The following PTK2 variants were observed in gnomAD, a reference collection of about 807,000 sequenced individuals.
PTK2 encodes the protein protein tyrosine kinase 2, also known as focal adhesion kinase 1.
A neutral mutation model predicts 150.1 loss-of-function variants in PTK2; 45 were observed. That is an observed-to-expected ratio of 0.30 (90% confidence interval 0.24 to 0.38). The LOEUF (loss-of-function observed/expected upper bound fraction) is 0.38. Ranked by LOEUF, PTK2 falls within the 10% of genes least tolerant of loss-of-function variation. The probability of loss-of-function intolerance (pLI) is 1.00; values close to 1 mark genes in which losing one functional copy is unlikely to be tolerated. For synonymous variants in PTK2, 432 were observed against 449.2 expected (o/e 0.96, Z 0.48); for missense variants, 919 against 1,307.3 (o/e 0.70, Z 4.58).
intron 1 of PTK2, among the ~76,000 whole-genome samples, chr8:140,994,355 C>T (rs2100196835): frequency 6.6e-6 from 1 of 152,206 alleles, no homozygotes; most frequent in African/African-American, 2.4e-5. Flanking sequence ...TTTTTAAAAA[C>T]TTAAGATTTG....
chr8:140,972,590 T>C lies in PTK2; in HGVS notation c.-122+28535A>G, dbSNP rs2100187710. Reference sequence around the variant, plus strand: ...TCAATTACTGTTTTTATATTTTGAATTCAGTCGATGAAAATTTGTGGAAAT... The same window carrying C: ...TCAATTACTGTTTTTATATTTTGAACTCAGTCGATGAAAATTTGTGGAAAT... On this transcript the variant is annotated intron_variant, in intron 1 of 31. Coordinates refer to ENST00000522684, the Ensembl canonical transcript of PTK2. Among the ~76,000 whole-genome samples, 5 of 152,192 alleles carry C rather than the reference T, an allele frequency of 3.3e-5. No homozygotes were observed. The South Asian group carries it at 1.0e-3, about 31-fold the overall frequency.
chr8:140,844,465 G>A (rs1166301421), intron 7 of PTK2, among the ~76,000 whole-genome samples: 1 of 152,044 alleles, frequency 6.6e-6, no homozygotes, highest in Non-Finnish European at 1.5e-5. Context: ...TATTACTATG[G>A]ACTCATGGGT....
In PTK2 at chr8:140,727,431, C is replaced by T. The variant is rs555167835; in HGVS notation, c.2030+7820G>A. 1.4e-4 allele frequency among the ~76,000 whole-genome samples: 21 copies of T among 150,130 alleles called. No homozygotes were observed. In the South Asian group the frequency reaches 3.2e-3, roughly 23 times the overall value. On this transcript the variant is annotated intron_variant, in intron 22 of 31. Transcript: ENST00000522684. ...CTGTGAACATTTTAACTGTACGTAG[C>T]TATAATTGTGAAACAGCTTAGTCTT...
intron 14 of PTK2, among the ~76,000 whole-genome samples, chr8:140,788,185 C>G (rs1347723031): frequency 6.6e-6 from 1 of 152,142 alleles, no homozygotes; most frequent in African/African-American, 2.4e-5. Context: ...CTGGCAACCC[C>G]GAAGCTTCCA....
chr8:140,725,131 C>T (rs114325324), intron 22 of PTK2, among the ~76,000 whole-genome samples: 2,805 of 150,970 alleles, frequency 0.019, 38 homozygotes, highest in Non-Finnish European at 0.023. Flanking sequence ...AAGACTGTAC[C>T]TTTATTTTTT....
rs551107207 is a variant in PTK2 at position 140,669,612 on chromosome 8, G to A, written c.2710-1188C>T. On this transcript the variant is annotated intron_variant, in intron 29 of 31. Transcript: ENST00000522684. ...TCTGTCAGTCATGAGAGGTGACAAA[G>A]CAGGCCGAAGTGCCCTCCCACTTGG... The A allele has an allele frequency of 2.2e-5, 26 of 1,200,816 alleles. No individual in the cohort carries two copies. The African/African-American group carries it at 3.6e-4, about 17-fold the overall frequency. The allele number at this position is 1,200,816 out of a possible 1,614,324, so 74.4% of individuals were successfully genotyped here.
chr8:140,833,510 A>G (rs536619406), intron 7 of PTK2, among the ~76,000 whole-genome samples: 1 of 152,326 alleles, frequency 6.6e-6, no homozygotes, highest in South Asian at 2.1e-4. Flanking sequence ...GAAACCAAAC[A>G]GGGACTTGTA....
intron 2 of PTK2, among the ~76,000 whole-genome samples, chr8:140,906,635 T>C (rs2100160981): frequency 6.6e-6 from 1 of 151,540 alleles, no homozygotes; most frequent in African/African-American, 2.4e-5. Flanking sequence ...AAGTATAGAG[T>C]AGAGTGGTGG....
chr8:140,980,489 G>A (rs2100191015), intron 1 of PTK2, among the ~76,000 whole-genome samples: 1 of 152,016 alleles, frequency 6.6e-6, no homozygotes, highest in East Asian at 1.9e-4. Context: ...GGGCATGGTG[G>A]TGGGCGCCTG....
At chr8:140,890,439 C>T (rs753371383) in intron 3 of PTK2, 104 bp downstream of exon 3, 2 of 926,926 alleles carry the variant, frequency 2.2e-6, no homozygotes, top group East Asian at 2.6e-5. Context: ...ATGAAAAGTC[C>T]CCGATAAGTT....
intron 12 of PTK2, among the ~76,000 whole-genome samples, chr8:140,793,655 G>A (rs576033655): frequency 5.9e-5 from 9 of 152,200 alleles, no homozygotes; most frequent in African/African-American, 9.6e-5. Context: ...GACTTCGTTT[G>A]CAGGAGACTA....
chr8:140,913,822 A>G (rs1263885358), intron 2 of PTK2, among the ~76,000 whole-genome samples: 2 of 152,246 alleles, frequency 1.3e-5, no homozygotes, highest in Non-Finnish European at 2.9e-5. Context: ...AGGAAAATAT[A>G]TTAATTCAAC....
At chr8:140,661,345 G>A (rs1189835697) in intron 31 of PTK2, among the ~76,000 whole-genome samples, 3 of 152,202 alleles carry the variant, frequency 2.0e-5, no homozygotes, top group South Asian at 4.1e-4. Flanking sequence ...AGGTGATGGT[G>A]GATGTGCAGG....
At chr8:140,891,361 T>G (rs1221318663) in intron 2 of PTK2, among the ~76,000 whole-genome samples, 2 of 152,126 alleles carry the variant, frequency 1.3e-5, no homozygotes, top group African/African-American at 4.8e-5. Flanking sequence ...GATAAAGGAC[T>G]TCTATTTGAG....
chr8:140,800,830 G>A (rs2100094613), intron 11 of PTK2, among the ~76,000 whole-genome samples: 1 of 152,116 alleles, frequency 6.6e-6, no homozygotes, highest in Non-Finnish European at 1.5e-5. Context: ...AATCAAAAGA[G>A]ATGAAAAAAG....
intron 1 of PTK2, among the ~76,000 whole-genome samples, chr8:140,935,629 T>C (rs555471867): frequency 2.0e-5 from 3 of 152,158 alleles, no homozygotes; most frequent in Admixed American, 6.5e-5. Flanking sequence ...ACTCTGTTAT[T>C]TGAAACCAAT....
At chr8:140,868,720 T>C (rs553913181) in intron 4 of PTK2, among the ~76,000 whole-genome samples, 29 of 152,206 alleles carry the variant, frequency 1.9e-4, no homozygotes, top group African/African-American at 6.0e-4. Flanking sequence ...CAAACTCAAA[T>C]TGAAGAACAC....
At chr8:140,701,769 TAAAA>T (rs35105624) in intron 25 of PTK2, among the ~76,000 whole-genome samples, 4 of 152,066 alleles carry the variant, frequency 2.6e-5, no homozygotes, top group African/African-American at 7.2e-5. Context: ...TTCTTTTAGT[TAAAA>T]AAAGTTCATT....
intron 2 of PTK2, among the ~76,000 whole-genome samples, chr8:140,908,325 T>C (rs968815888): frequency 6.6e-6 from 1 of 152,078 alleles, no homozygotes; most frequent in Non-Finnish European, 1.5e-5. Flanking sequence ...TTCATAAGGT[T>C]GAAGGAAAAA....
Sources: allele counts gnomAD v4.1 joint callset (sites outside exome capture counted in the v4.1 genomes callset), GRCh38; gene constraint gnomAD v4.1.1; transcripts MANE v1.5; gene names NCBI Gene and HGNC (gene_info 2026-07-23, HGNC 2026-07-21).